Variants in PDE4A observed in about 807,000 individuals in gnomAD.
PDE4A encodes phosphodiesterase 4A.
Under a neutral mutation model 73.9 loss-of-function variants are expected in PDE4A, and 21 were observed. The observed-to-expected ratio is 0.28, with a 90% confidence interval of 0.20 to 0.41. The LOEUF (loss-of-function observed/expected upper bound fraction) is 0.41. Among genes scored for constraint, PDE4A ranks in the 10% least tolerant of loss-of-function variants. The pLI is 1.00. For missense variants in PDE4A, 958 were observed against 1,211.4 expected (o/e 0.79, Z 3.10); for synonymous variants, 463 against 505.4 (o/e 0.92, Z 1.13).
rs2043419806 is a variant in PDE4A at position 10,468,452 on chromosome 19, T to G, written c.*831T>G. Reference sequence around the variant, plus strand: ...TTGGGTTCACTTTGAATTTTCTCCGTTTTTTGGGGCAGTGGCTCTGATCCA... The same window carrying G: ...TTGGGTTCACTTTGAATTTTCTCCGGTTTTTGGGGCAGTGGCTCTGATCCA... On this transcript the variant is annotated 3_prime_UTR_variant, in exon 15 of 15. Transcript: ENST00000380702. 1 of 152,048 alleles carries G rather than the reference T, an allele frequency of 6.6e-6. No homozygotes were observed. Among genetic ancestry groups the G allele is most frequent in the Admixed American group, 6.6e-5 (1 of 15,186 alleles). 9.4% of individuals were successfully genotyped at this position (152,048 alleles called of 1,614,324 possible). A position where few individuals can be genotyped will look rare whatever the true frequency, so the allele number is the denominator to read the frequency against.
chr19:10,416,923 C>A, upstream of PDE4A: 3 of 1,539,488 alleles, frequency 1.9e-6, no homozygotes, highest in Non-Finnish European at 2.6e-6. Flanking sequence ...GCAGTCCCAA[C>A]GGCGCGCTAG....
At chr19:10,452,811 G>T in intron 6 of PDE4A, 1 of 238,926 alleles carries the variant, frequency 4.2e-6, no homozygotes, top group Non-Finnish European at 6.9e-6. Flanking sequence ...GTCCTGATGG[G>T]GACAGCCCAC....
chr19:10,465,195 A>T (rs1425654667), intron 14 of PDE4A, among the ~76,000 whole-genome samples: 2 of 150,388 alleles, frequency 1.3e-5, no homozygotes, highest in Non-Finnish European at 3.0e-5. Context: ...CTCTCTACCC[A>T]CTAGATGCCA....
intron 1 of PDE4A, chr19:10,427,796 A>C: frequency 1.0e-6 from 1 of 985,136 alleles, no homozygotes; most frequent in Non-Finnish European, 1.2e-6. Context: ...TGGCAAAACA[A>C]TTCAGGGAAG....
chr19:10,442,161 C>A (rs1204837397), intron 1 of PDE4A, among the ~76,000 whole-genome samples: 2 of 152,120 alleles, frequency 1.3e-5, no homozygotes, highest in African/African-American at 4.8e-5. Context: ...GAACCCCCCG[C>A]TTCCCCTTTC....
At chr19:10,459,838 CCT>C in intron 10 of PDE4A, 79 bp downstream of exon 10, 1 of 1,453,278 alleles carries the variant, frequency 6.9e-7, no homozygotes, top group South Asian at 1.3e-5. Flanking sequence ...TCTCTCTGAC[CCT>C]GTGTCTCTGA....
At chr19:10,444,264 C>T (rs965263143) in intron 1 of PDE4A, among the ~76,000 whole-genome samples, 4 of 152,024 alleles carry the variant, frequency 2.6e-5, no homozygotes, top group Non-Finnish European at 4.4e-5. Flanking sequence ...CCTGTAATCC[C>T]AGCACTTTGG....
Position 10,463,847 on chromosome 19 carries a change from G to C in PDE4A, c.1798G>C (p.Glu600Gln). Reference sequence around the variant, plus strand: ...CCTCAGCAACCCCACCAAGCCGCTGGAGCTGTACCGCCAGTGGACAGACCG... The same window carrying C: ...CCTCAGCAACCCCACCAAGCCGCTGCAGCTGTACCGCCAGTGGACAGACCG... ...ADLSNPTKPL[E>Q]LYRQWTDRIM... The change falls in exon 14 of 15, where the codon GAG becomes CAG. Residue 600 changes from glutamate to glutamine, a missense_variant. Physicochemically the swap from Glu to Gln is conservative, Grantham distance 29. Around this residue, in one of 3 missense-constraint regions of PDE4A, gnomAD observed 570 missense variants for 827.7 expected, o/e 0.69. Transcript: ENST00000380702. The C allele has an allele frequency of 6.2e-7, 1 of 1,614,162 alleles. No homozygotes were observed. Among genetic ancestry groups the C allele is most frequent in the Non-Finnish European group, 8.5e-7 (1 of 1,180,030 alleles).
chr19:10,450,201 C>A (rs987509880), intron 4 of PDE4A, among the ~76,000 whole-genome samples: 5 of 152,176 alleles, frequency 3.3e-5, no homozygotes, highest in African/African-American at 1.2e-4. Flanking sequence ...TATTGCCCTG[C>A]GTACATAGGA....
At chr19:10,450,761 C>T (rs1051531966) in intron 5 of PDE4A, 68 bp from the exon 6 acceptor site, 14 of 1,576,976 alleles carry the variant, frequency 8.9e-6, no homozygotes, top group Non-Finnish European at 1.1e-5. Context: ...CCCGTCACGG[C>T]GGTCTGGAGC....
intron 1 of PDE4A, chr19:10,432,540 A>C (rs1021760716): frequency 6.6e-7 from 1 of 1,523,558 alleles, no homozygotes; most frequent in Non-Finnish European, 8.8e-7. Flanking sequence ...CGATGAGGAC[A>C]CCCGTCGGCA....
In PDE4A at chr19:10,439,433, C is replaced by T. The variant is rs141683749; in HGVS notation, c.321-6785C>T. Among the ~76,000 whole-genome samples the T allele has an allele frequency of 7.9e-3, 1,197 of 152,224 alleles. 13 individuals carry two copies. The highest frequency in any genetic ancestry group is 0.041 in the Middle Eastern group (12 of 294). On this transcript the variant is annotated intron_variant, in intron 1 of 14. Transcript: ENST00000380702. ...TGGACCTCAGGTAATCTGCCCGCCT[C>T]GGCCTCCCAAAATGCTGGGATTACA...
chr19:10,418,612 C>A, upstream of PDE4A: 1 of 203,142 alleles, frequency 4.9e-6, no homozygotes, highest in Non-Finnish European at 8.7e-6. Context: ...GCCCCTGGAG[C>A]TGCTTAATTA....
chr19:10,421,165 C>A lies in PDE4A; in HGVS notation c.320+81C>A, dbSNP rs1020878052. 2.4e-5 allele frequency: 32 copies of A among 1,337,300 alleles called. No individual in the cohort carries two copies. In the African/African-American group the frequency reaches 4.2e-4, roughly 17 times the overall value. The allele number at this position is 1,337,300 out of a possible 1,614,324, so 82.8% of individuals were successfully genotyped here. A position where few individuals can be genotyped will look rare whatever the true frequency, so the allele number is the denominator to read the frequency against. On this transcript the variant is annotated intron_variant, in intron 1 of 14. Transcript: ENST00000380702. ...AACTCGAGCTGCCGGCCGCAGGGGG[C>A]GCTAGGATGCGGGTGGGGTCGGTTT...
At position 10,453,351 on chromosome 19, in the gene PDE4A, G is replaced by A; in HGVS notation, c.784-1478G>A. ...CCAGGTAGGAGAGTGCAGGGTAGGG[G>A]GTGGGCGGGCATCCTGGTGAGCTGG... is the stretch of plus-strand genomic sequence containing the variant. On this transcript the variant is annotated intron_variant, in intron 6 of 14. Transcript: ENST00000380702. The surrounding 1 kb of genome is among the most constrained non-coding windows in gnomAD (Gnocchi z 4.6). 1 of 1,607,288 alleles carries A rather than the reference G, an allele frequency of 6.2e-7. No individual in the cohort carries two copies. Among genetic ancestry groups the A allele is most frequent in the Non-Finnish European group, 8.5e-7 (1 of 1,177,802 alleles).
chr19:10,445,947 C>T (rs2042997548), intron 1 of PDE4A, among the ~76,000 whole-genome samples: 1 of 149,442 alleles, frequency 6.7e-6, no homozygotes, highest in African/African-American at 2.5e-5. Context: ...AAGTGATTCT[C>T]ATGCCTCAGC....
intron 6 of PDE4A, among the ~76,000 whole-genome samples, chr19:10,454,466 C>G (rs868637009): frequency 6.6e-6 from 1 of 152,212 alleles, no homozygotes; most frequent in Admixed American, 6.5e-5. Flanking sequence ...TAAGGAGACT[C>G]CCATCGCCAT....
At chr19:10,457,433 G>GT (rs2043187574) in intron 7 of PDE4A, among the ~76,000 whole-genome samples, 1 of 6,794 alleles carries the variant, frequency 1.5e-4, no homozygotes, top group South Asian at 7.8e-3. Context: ...AAGGTGGGCG[G>GT]GGGGGGGGGG....
intron 2 of PDE4A, among the ~76,000 whole-genome samples, chr19:10,447,394 T>G (rs984905545): frequency 1.3e-5 from 2 of 148,406 alleles, no homozygotes; most frequent in Admixed American, 1.4e-4. Flanking sequence ...CCCGGCTAAT[T>G]TTTTCTATTT....
Sources: allele counts gnomAD v4.1 joint callset (sites outside exome capture counted in the v4.1 genomes callset), GRCh38; gene constraint gnomAD v4.1.1; regional missense constraint gnomAD v4.1.1; non-coding constraint Gnocchi (gnomAD v3.1); transcripts MANE v1.5; gene names NCBI Gene and HGNC (gene_info 2026-07-23, HGNC 2026-07-21).